Variants in SEMA6D observed in about 807,000 individuals in gnomAD.
SEMA6D encodes the protein semaphorin 6D, also known as semaphorin-6D.
In SEMA6D, 35 loss-of-function variants were observed where a neutral mutation model predicts 106.6. The ratio of observed to expected loss-of-function variants is 0.33; its 90% CI spans 0.25 to 0.44. The LOEUF (loss-of-function observed/expected upper bound fraction) is 0.44. Among genes scored for constraint, SEMA6D ranks in the 20% least tolerant of loss-of-function variants. The pLI is 1.00. For missense variants in SEMA6D, 1,185 were observed against 1,345.9 expected, an observed-to-expected ratio of 0.88 and a Z score of 1.87; for synonymous variants, 499 against 487.7, an observed-to-expected ratio of 1.02 and a Z score of -0.31.
At chr15:47,335,792 G>A (rs1275741763) in intron 1 of SEMA6D, among the ~76,000 whole-genome samples, 1 of 152,130 alleles carries the variant, frequency 6.6e-6, no homozygotes, top group Non-Finnish European at 1.5e-5. Flanking sequence ...AAGCAGGGTA[G>A]AAATATTTAA....
At chr15:47,550,611 C>T (rs898651868) in intron 3 of SEMA6D, among the ~76,000 whole-genome samples, 20 of 152,174 alleles carry the variant, frequency 1.3e-4, no homozygotes, top group African/African-American at 4.8e-4. Flanking sequence ...GTCTAAGCTT[C>T]TTTTCCCCAC....
At chr15:47,542,209 A>G (rs1345879767) in intron 3 of SEMA6D, among the ~76,000 whole-genome samples, 3 of 152,154 alleles carry the variant, frequency 2.0e-5, no homozygotes, top group Admixed American at 6.6e-5. Context: ...TTCAAGAAAT[A>G]TTTTTCTCCA....
At chr15:47,719,173 G>T (rs971305551) in intron 1 of SEMA6D, among the ~76,000 whole-genome samples, 1 of 151,938 alleles carries the variant, frequency 6.6e-6, no homozygotes, top group African/African-American at 2.4e-5. Flanking sequence ...GTGTGGAGGG[G>T]GATTGAAGTC....
chr15:47,572,348 G>T (rs771083879), intron 3 of SEMA6D, among the ~76,000 whole-genome samples: 2 of 151,926 alleles, frequency 1.3e-5, no homozygotes, highest in Non-Finnish European at 2.9e-5. Flanking sequence ...TGATTTTTTT[G>T]AATTGGCTAT....
intron 1 of SEMA6D, among the ~76,000 whole-genome samples, chr15:47,377,297 C>T (rs1382207453): frequency 1.3e-5 from 2 of 152,124 alleles, no homozygotes; most frequent in African/African-American, 4.8e-5. Context: ...TGGCTGTCAT[C>T]TTTGGAAACA....
chr15:47,351,770 C>A (rs2038336029), intron 1 of SEMA6D, among the ~76,000 whole-genome samples: 1 of 152,152 alleles, frequency 6.6e-6, no homozygotes, highest in African/African-American at 2.4e-5. Flanking sequence ...GTGCCTCACA[C>A]AAAAGTAAGG....
chr15:47,656,028 A>G (rs750017840), intron 4 of SEMA6D, among the ~76,000 whole-genome samples: 1 of 152,148 alleles, frequency 6.6e-6, no homozygotes, highest in Non-Finnish European at 1.5e-5. Flanking sequence ...ACCTTTTCAC[A>G]TTTTGCTGTT....
At chr15:47,442,672 G>C (rs1025852354) in intron 2 of SEMA6D, among the ~76,000 whole-genome samples, 1 of 152,076 alleles carries the variant, frequency 6.6e-6, no homozygotes, top group Non-Finnish European at 1.5e-5. Flanking sequence ...AGACTGGAAA[G>C]TGCTATACAA....
At chr15:47,721,893 T>C (rs1224792560) in intron 1 of SEMA6D, among the ~76,000 whole-genome samples, 2 of 152,108 alleles carry the variant, frequency 1.3e-5, no homozygotes, top group African/African-American at 4.8e-5. Context: ...ATCCTGTCCT[T>C]GGCTACAACA....
intron 1 of SEMA6D, among the ~76,000 whole-genome samples, chr15:47,245,723 G>A (rs72731758): frequency 0.016 from 2,459 of 152,230 alleles, 50 homozygotes; most frequent in Non-Finnish European, 0.019. Flanking sequence ...TCTTTGTGAT[G>A]CTTATTCTGA....
chr15:47,417,184 A>C (rs180816108), intron 2 of SEMA6D, among the ~76,000 whole-genome samples: 1 of 152,192 alleles, frequency 6.6e-6, no homozygotes, highest in East Asian at 1.9e-4. Context: ...ACATTATACG[A>C]TATTGTTGTA....
chr15:47,322,658 G>A (rs556441540), intron 1 of SEMA6D, among the ~76,000 whole-genome samples: 49 of 152,164 alleles, frequency 3.2e-4, no homozygotes, highest in African/African-American at 1.2e-3. Flanking sequence ...ACTGTGAAGG[G>A]CCTATTTTTC....
intron 3 of SEMA6D, among the ~76,000 whole-genome samples, chr15:47,541,966 C>A (rs1401699589): frequency 6.6e-6 from 1 of 151,844 alleles, no homozygotes; most frequent in Non-Finnish European, 1.5e-5. Flanking sequence ...TTAAAAAGAC[C>A]CTTTGAAACA....
intron 4 of SEMA6D, among the ~76,000 whole-genome samples, chr15:47,677,919 G>A (rs769671059): frequency 2.0e-5 from 3 of 152,110 alleles, no homozygotes; most frequent in Non-Finnish European, 2.9e-5. Flanking sequence ...TTTGAAAGTT[G>A]TAGAGCAGCA....
intron 1 of SEMA6D, among the ~76,000 whole-genome samples, chr15:47,278,217 A>C (rs911584248): frequency 2.0e-5 from 3 of 152,168 alleles, no homozygotes; most frequent in Non-Finnish European, 4.4e-5. Context: ...GAACTAGTTT[A>C]CAGTCCCACC....
chr15:47,703,004 C>T (rs2078844262), intron 4 of SEMA6D, among the ~76,000 whole-genome samples: 1 of 152,030 alleles, frequency 6.6e-6, no homozygotes, highest in Non-Finnish European at 1.5e-5. Context: ...AATGTAAATG[C>T]AGTGTGTAGG....
intron 3 of SEMA6D, among the ~76,000 whole-genome samples, chr15:47,526,285 G>A (rs2142000800): frequency 6.6e-6 from 1 of 152,236 alleles, no homozygotes; most frequent in East Asian, 1.9e-4. Context: ...CTTTTATTAA[G>A]GAATGTGAAT....
intron 2 of SEMA6D, among the ~76,000 whole-genome samples, chr15:47,415,948 G>A (rs572315521): frequency 4.0e-4 from 61 of 152,088 alleles, no homozygotes; most frequent in Non-Finnish European, 6.5e-4. Context: ...AAGCAATCAA[G>A]GACTATGAAT....
At chr15:47,768,448 A>G (rs1361932383) in intron 17 of SEMA6D, 133 bp from the exon 18 acceptor site, 6 of 649,844 alleles carry the variant, frequency 9.2e-6, no homozygotes, top group African/African-American at 9.1e-5. Context: ...TAGCTTCCTC[A>G]GGCGTGTTTT....
Sources: allele counts gnomAD v4.1 joint callset (sites outside exome capture counted in the v4.1 genomes callset), GRCh38; gene constraint gnomAD v4.1.1; transcripts MANE v1.5; gene names NCBI Gene and HGNC (gene_info 2026-07-23, HGNC 2026-07-21).